Variants in DOP1A observed in about 807,000 individuals in gnomAD.
DOP1A encodes DOP1 leucine zipper like protein A.
A neutral mutation model predicts 267.6 loss-of-function variants in DOP1A; 90 were observed. The observed-to-expected ratio is 0.34, with a 90% CI of 0.28 to 0.40. DOP1A has a LOEUF of 0.40. DOP1A is among the 10% of genes least tolerant of loss of function. The pLI, the probability that DOP1A is intolerant of heterozygous loss-of-function variation, is 1.00. For missense variants in DOP1A, 2,437 were observed against 2,900.4 expected, an observed-to-expected ratio of 0.84 and a Z score of 3.67; for synonymous variants, 932 against 999.1, an observed-to-expected ratio of 0.93 and a Z score of 1.27.
At chr6:83,152,896 G>T (rs1232242061) in intron 30 of DOP1A, among the ~76,000 whole-genome samples, 1 of 152,094 alleles carries the variant, frequency 6.6e-6, no homozygotes, top group East Asian at 1.9e-4. Flanking sequence ...GAGGTTACAG[G>T]CATGAGCCAC....
chr6:83,135,955 T>C (rs947335970), intron 20 of DOP1A, 77 bp downstream of exon 20: 85 of 1,492,274 alleles, frequency 5.7e-5, no homozygotes, highest in Non-Finnish European at 6.9e-5. Flanking sequence ...ACAGTAATTG[T>C]TGAAAGAACT....
chr6:83,157,553 T>G (rs1274800553), intron 35 of DOP1A, among the ~76,000 whole-genome samples: 6 of 152,188 alleles, frequency 3.9e-5, no homozygotes, highest in Non-Finnish European at 8.8e-5. Flanking sequence ...AATGATTACT[T>G]TCTTGGATCT....
intron 24 of DOP1A, among the ~76,000 whole-genome samples, chr6:83,144,785 G>C (rs567347543): frequency 6.6e-6 from 1 of 151,974 alleles, no homozygotes; most frequent in South Asian, 2.1e-4. Context: ...AAAGAGTTGA[G>C]CATGGTTGCT....
At chr6:83,079,975 C>A (rs929582575) in intron 1 of DOP1A, among the ~76,000 whole-genome samples, 2 of 152,130 alleles carry the variant, frequency 1.3e-5, no homozygotes, top group African/African-American at 2.4e-5. Context: ...GTCTTACCTT[C>A]TGCTGTATAT....
intron 15 of DOP1A, among the ~76,000 whole-genome samples, 154 bp downstream of exon 15, chr6:83,125,887 A>G (rs1777076528): frequency 1.3e-5 from 2 of 152,070 alleles, no homozygotes; most frequent in African/African-American, 4.8e-5. Context: ...GCTTTTGGTT[A>G]TAGGGCAGTT....
At chr6:83,141,350 T>A (rs1054407745) in intron 23 of DOP1A, among the ~76,000 whole-genome samples, 4 of 152,202 alleles carry the variant, frequency 2.6e-5, no homozygotes, top group Non-Finnish European at 4.4e-5. Context: ...TTTTTTTTCT[T>A]CCTTGCACTC....
intron 1 of DOP1A, among the ~76,000 whole-genome samples, chr6:83,068,970 G>T (rs557267099): frequency 6.6e-6 from 1 of 152,154 alleles, no homozygotes; most frequent in South Asian, 2.1e-4. Flanking sequence ...AAAAACACCT[G>T]ATTTAATACA....
chr6:83,130,063 T>TAGG, intron 16 of DOP1A, 60 bp from the exon 17 acceptor site: 1 of 1,560,810 alleles, frequency 6.4e-7, no homozygotes, highest in South Asian at 1.2e-5. Flanking sequence ...GAAATTAACT[T>TAGG]AGAGTGTGTG....
At chr6:83,075,144 T>C (rs1766858181) in intron 1 of DOP1A, among the ~76,000 whole-genome samples, 1 of 152,232 alleles carries the variant, frequency 6.6e-6, no homozygotes, top group African/African-American at 2.4e-5. Context: ...TTGCTTCTTT[T>C]AGTTAATATA....
intron 27 of DOP1A, among the ~76,000 whole-genome samples, chr6:83,151,035 T>C (rs1394401550): frequency 2.6e-5 from 4 of 152,246 alleles, no homozygotes; most frequent in Admixed American, 2.6e-4. Context: ...GTTTTTGAAC[T>C]ATAAGTATAT....
intron 1 of DOP1A, among the ~76,000 whole-genome samples, chr6:83,073,987 G>A (rs1786045975): frequency 6.6e-6 from 1 of 152,204 alleles, no homozygotes; most frequent in African/African-American, 2.4e-5. Flanking sequence ...GGCCAGCAGT[G>A]ATTCCATGTG....
chr6:83,133,483 C>T (rs1299239753), intron 18 of DOP1A, among the ~76,000 whole-genome samples: 3 of 152,050 alleles, frequency 2.0e-5, no homozygotes, highest in Non-Finnish European at 4.4e-5. Context: ...CGTCTGGTTT[C>T]TTGGGGCTTT....
chr6:83,082,846 C>T (rs1463347194), intron 1 of DOP1A, among the ~76,000 whole-genome samples: 3 of 148,594 alleles, frequency 2.0e-5, no homozygotes, highest in Admixed American at 6.7e-5. Flanking sequence ...TTTGCTCTGT[C>T]ACCCAGGCTG....
At chr6:83,111,578 A>G (rs1411826355) in intron 6 of DOP1A, among the ~76,000 whole-genome samples, 1 of 152,066 alleles carries the variant, frequency 6.6e-6, no homozygotes, top group African/African-American at 2.4e-5. Context: ...CAGTGGGTAT[A>G]AAGTATTCTC....
chr6:83,106,540 T>G (rs995705802), intron 4 of DOP1A, among the ~76,000 whole-genome samples: 1 of 152,178 alleles, frequency 6.6e-6, no homozygotes, highest in Middle Eastern at 3.4e-3. Flanking sequence ...CCGGGCTCAG[T>G]GGCTCACGCC....
chr6:83,169,939 G>A (rs1786742493), downstream of DOP1A: 8 of 387,588 alleles, frequency 2.1e-5, no homozygotes, highest in Non-Finnish European at 4.0e-5. Flanking sequence ...ACTTAGAAAT[G>A]AACTACAAAG....
intron 37 of DOP1A, chr6:83,161,292 C>T (rs1332484953): frequency 1.3e-5 from 2 of 152,022 alleles, no homozygotes; most frequent in East Asian, 3.9e-4. Flanking sequence ...TTTTTAAAAA[C>T]TTACATCTTT....
chr6:83,145,421 T>TA, intron 24 of DOP1A, 103 bp from the exon 25 acceptor site: 1 of 1,075,452 alleles, frequency 9.3e-7, no homozygotes. Flanking sequence ...CATCTCCATT[T>TA]AAAAAATATA....
At chr6:83,071,639 T>C (rs1170289640) in intron 1 of DOP1A, among the ~76,000 whole-genome samples, 1 of 152,208 alleles carries the variant, frequency 6.6e-6, no homozygotes, top group Non-Finnish European at 1.5e-5. Flanking sequence ...TAGAATTTTA[T>C]CTGTGCAATA....
Sources: gnomAD v4.1 joint callset for allele counts (sites outside exome capture counted in the v4.1 genomes callset) on GRCh38, gnomAD v4.1.1 for gene constraint, MANE v1.5 for transcripts, NCBI Gene and HGNC (gene_info 2026-07-23, HGNC 2026-07-21) for gene names.